Variants in NRG3 observed in about 807,000 individuals in gnomAD.
NRG3 encodes neuregulin 3, also known as pro-neuregulin-3, membrane-bound isoform.
Under a neutral mutation model 66.9 loss-of-function variants are expected in NRG3, and 31 were observed. The observed-to-expected ratio is 0.46, with a 90% CI of 0.35 to 0.63. The LOEUF (loss-of-function observed/expected upper bound fraction) is 0.63, where lower values mean the gene tolerates loss of function less well. Ranked by LOEUF, NRG3 falls within the 20% of genes least tolerant of loss-of-function variation. The pLI is 0.00. For synonymous variants in NRG3, 393 were observed against 359.4 expected, an observed-to-expected ratio of 1.09 and a Z score of -1.06; for missense variants, 910 against 878.9, an observed-to-expected ratio of 1.04 and a Z score of -0.45.
At chr10:82,194,528 G>T (rs1406161811) in intron 1 of NRG3, among the ~76,000 whole-genome samples, 1 of 152,088 alleles carries the variant, frequency 6.6e-6, no homozygotes, top group Non-Finnish European at 1.5e-5. Context: ...GAGAGTGTAG[G>T]CATGGATTCG....
chr10:82,748,585 T>C (rs1047733582), intron 3 of NRG3, among the ~76,000 whole-genome samples: 3 of 149,644 alleles, frequency 2.0e-5, no homozygotes, highest in African/African-American at 7.3e-5. Flanking sequence ...AACACATTTA[T>C]ATTGTATATA....
At chr10:82,138,606 G>T (rs921120084) in intron 1 of NRG3, among the ~76,000 whole-genome samples, 1 of 152,126 alleles carries the variant, frequency 6.6e-6, no homozygotes, top group Non-Finnish European at 1.5e-5. Flanking sequence ...TGATCACAAG[G>T]TAAAGTCCCA....
intron 1 of NRG3, among the ~76,000 whole-genome samples, chr10:82,148,433 C>T (rs2070425486): frequency 6.6e-6 from 1 of 152,266 alleles, no homozygotes; most frequent in South Asian, 2.1e-4. Context: ...TTACTTTCTG[C>T]CTACCATTTA....
rs547068984 is a variant in NRG3, at chr10:82,855,689, C to T, written c.1028-9722C>T. Reference sequence around the variant, plus strand: ...CTAGGATTGCAGGTGTGAGCCACCACGTCCAGCTGTGTGCCTTCATTGATA... The same window carrying T: ...CTAGGATTGCAGGTGTGAGCCACCATGTCCAGCTGTGTGCCTTCATTGATA... On this transcript the variant is annotated intron_variant, in intron 3 of 8. Transcript: ENST00000372141. Among the ~76,000 whole-genome samples the T allele has an allele frequency of 8.9e-4, 135 of 152,048 alleles. 1 individual carries two copies. The highest frequency in any genetic ancestry group is 2.8e-4 in the Non-Finnish European group (19 of 67,992).
chr10:82,240,423 ATT>A (rs2076958152), intron 1 of NRG3, among the ~76,000 whole-genome samples: 1 of 152,296 alleles, frequency 6.6e-6, no homozygotes, highest in African/African-American at 2.4e-5. Flanking sequence ...TAATAGAATT[ATT>A]TTCCACTAAA....
intron 3 of NRG3, among the ~76,000 whole-genome samples, chr10:82,840,692 G>A (rs1284674818): frequency 2.0e-5 from 3 of 152,048 alleles, no homozygotes; most frequent in African/African-American, 7.2e-5. Flanking sequence ...TTGTGTCATC[G>A]CAGGCACTCT....
At chr10:82,646,683 A>G (rs1565161952) in intron 2 of NRG3, among the ~76,000 whole-genome samples, 1 of 152,182 alleles carries the variant, frequency 6.6e-6, no homozygotes, top group Non-Finnish European at 1.5e-5. Context: ...CAACTTTGCC[A>G]GAGCAAGAGA....
At chr10:82,001,508 AAAAAAG>A (rs1174968262) in intron 1 of NRG3, among the ~76,000 whole-genome samples, 2 of 152,158 alleles carry the variant, frequency 1.3e-5, no homozygotes, top group African/African-American at 2.4e-5. Context: ...ATCTGAGGAA[AAAAAAG>A]AAAAAGAAAA....
chr10:82,692,997 A>G (rs1359101744), intron 2 of NRG3, among the ~76,000 whole-genome samples: 1 of 152,110 alleles, frequency 6.6e-6, no homozygotes, highest in Non-Finnish European at 1.5e-5. Context: ...CCGCCCCTCA[A>G]CACTGTTTGC....
intron 1 of NRG3, among the ~76,000 whole-genome samples, chr10:81,961,304 C>T (rs560933721): frequency 5.9e-5 from 9 of 152,084 alleles, no homozygotes; most frequent in African/African-American, 1.9e-4. Flanking sequence ...GATACTCTGG[C>T]TTTGTGGATA....
rs542690830 is a variant in NRG3 at position 82,680,013 on chromosome 10, G to A, written c.954-58564G>A. 3.5e-4 allele frequency among the ~76,000 whole-genome samples: 54 copies of A among 152,190 alleles called. No homozygotes were observed. The South Asian group carries it at 0.011, about 30-fold the overall frequency. ...TTCATCTATATCAATGCCATGGTTT[G>A]TACAAATAGAAAAAGATCTGATGGG... On this transcript the variant is annotated intron_variant, in intron 2 of 8. Transcript: ENST00000372141.
chr10:81,985,202 G>A (rs956392333), intron 1 of NRG3, among the ~76,000 whole-genome samples: 1 of 152,210 alleles, frequency 6.6e-6, no homozygotes, highest in Non-Finnish European at 1.5e-5. Context: ...TTGTTATGGA[G>A]ACTGAGCACA....
chr10:82,275,124 A>G (rs953492151), intron 1 of NRG3, among the ~76,000 whole-genome samples: 1 of 152,110 alleles, frequency 6.6e-6, no homozygotes, highest in African/African-American at 2.4e-5. Context: ...TTTGAATCCA[A>G]TAACCTAACA....
chr10:82,763,908 A>G (rs1232090642), intron 3 of NRG3, among the ~76,000 whole-genome samples: 1 of 152,238 alleles, frequency 6.6e-6, no homozygotes, highest in Non-Finnish European at 1.5e-5. Context: ...TGTTGACATG[A>G]TAATATTTGG....
At chr10:82,628,994 T>A (rs1427758263) in intron 2 of NRG3, among the ~76,000 whole-genome samples, 1 of 152,112 alleles carries the variant, frequency 6.6e-6, no homozygotes, top group East Asian at 1.9e-4. Context: ...TCCCATAAGG[T>A]TTTTCTGCTT....
chr10:82,131,268 C>T (rs1008031318), intron 1 of NRG3, among the ~76,000 whole-genome samples: 2 of 152,052 alleles, frequency 1.3e-5, no homozygotes, highest in Non-Finnish European at 2.9e-5. Flanking sequence ...TATGGATATC[C>T]AGTTTTCCCA....
chr10:82,530,706 G>C (rs1246178977), intron 2 of NRG3, among the ~76,000 whole-genome samples: 1 of 151,854 alleles, frequency 6.6e-6, no homozygotes, highest in African/African-American at 2.4e-5. Context: ...AAGACTGAAT[G>C]AATTAAACAT....
intron 2 of NRG3, among the ~76,000 whole-genome samples, chr10:82,682,633 A>T (rs994895683): frequency 6.6e-6 from 1 of 152,204 alleles, no homozygotes; most frequent in African/African-American, 2.4e-5. Context: ...TTTTAAAATT[A>T]TGTTTAAGAG....
At chr10:82,828,001 A>C (rs748215624) in intron 3 of NRG3, among the ~76,000 whole-genome samples, 6 of 151,980 alleles carry the variant, frequency 3.9e-5, no homozygotes, top group Non-Finnish European at 5.9e-5. Flanking sequence ...TACCAGATGG[A>C]GAAACCTCTG....
Sources: gnomAD v4.1 joint callset for allele counts (sites outside exome capture counted in the v4.1 genomes callset) on GRCh38, gnomAD v4.1.1 for gene constraint, MANE v1.5 for transcripts, NCBI Gene and HGNC (gene_info 2026-07-23, HGNC 2026-07-21) for gene names.